USH2A: variants seen among roughly 807,000 people sequenced by gnomAD.
USH2A encodes the protein usherin.
Under a neutral mutation model 538.9 loss-of-function variants are expected in USH2A, and 443 were observed. The ratio of observed to expected loss-of-function variants is 0.82; its 90% confidence interval spans 0.76 to 0.89. The LOEUF (loss-of-function observed/expected upper bound fraction) is 0.89. USH2A is among the 40% of genes least tolerant of loss of function. The probability of loss-of-function intolerance (pLI) is 0.00; values close to 1 mark genes in which losing one functional copy is unlikely to be tolerated. For missense variants in USH2A, 6,633 were observed against 6,324.8 expected, an observed-to-expected ratio of 1.05 and a Z score of -1.65; for synonymous variants, 2,413 against 2,273.5, an observed-to-expected ratio of 1.06 and a Z score of -1.75.
rs376865242 is a variant in USH2A, at chr1:215,743,410, G to C, written c.11390-75C>G. 8.1e-5 allele frequency: 37 copies of C among 457,872 alleles called. 1 individual carries two copies. The highest frequency in any genetic ancestry group is 1.5e-4 in the Admixed American group (3 of 20,310). The allele number at this position is 457,872 out of a possible 1,614,324, so 28.4% of individuals were successfully genotyped here. A position where few individuals can be genotyped will look rare whatever the true frequency, so the allele number is the denominator to read the frequency against. On this transcript the variant is annotated intron_variant, in intron 58 of 71. Transcript: ENST00000307340. ...TATGTGTGTGTGTGTGTGTGTGTGT[G>C]TGTGTGTATATATATATAGACACAC...
Position 216,097,181 on chromosome 1 carries a change from C to G in USH2A, c.4660G>C (p.Glu1554Gln), listed in dbSNP as rs762915136. The change falls in exon 22 of 72, where the codon GAA (glutamate) becomes CAA (glutamine). Residue 1554 changes from glutamate (E) to glutamine (Q), a missense_variant. Coordinates refer to ENST00000307340, the MANE Select transcript of USH2A (RefSeq NM_206933.4). ...GATGCTGCAAAGACAATCAAACCTT[C>G]AGGCACTTTTGTTCGAAAGCTGGCC... ...IKASFRTKVPEGLIVFAASPG... is the reference protein window; with the variant it reads ...IKASFRTKVPQGLIVFAASPG... The G allele has an allele frequency of 1.2e-6, 2 of 1,614,162 alleles. No individual in the cohort carries two copies. The highest frequency in any genetic ancestry group is 8.5e-7 in the Non-Finnish European group (1 of 1,180,008).
chr1:215,670,513 G>A (rs1422996218), intron 64 of USH2A, among the ~76,000 whole-genome samples: 3 of 151,998 alleles, frequency 2.0e-5, no homozygotes, highest in Non-Finnish European at 4.4e-5. Context: ...TTAACTCATC[G>A]CCATGGGCAG....
intron 3 of USH2A, among the ~76,000 whole-genome samples, chr1:216,385,502 T>C (rs2038989347): frequency 6.6e-6 from 1 of 152,096 alleles, no homozygotes; most frequent in South Asian, 2.1e-4. Context: ...AGATATAGAA[T>C]GACAACAAAG....
chr1:215,793,022 T>A (rs1662025551), intron 50 of USH2A, among the ~76,000 whole-genome samples: 1 of 152,190 alleles, frequency 6.6e-6, no homozygotes, highest in Non-Finnish European at 1.5e-5. Context: ...CTAAACTGTA[T>A]ATATATCCAA....
intron 35 of USH2A, among the ~76,000 whole-genome samples, chr1:215,979,015 A>T (rs1365849665): frequency 1.3e-5 from 2 of 152,176 alleles, no homozygotes; most frequent in African/African-American, 2.4e-5. Context: ...CATACCTGAG[A>T]CTGGGTAATT....
At chr1:216,322,439 C>T (rs1465605864) in intron 8 of USH2A, among the ~76,000 whole-genome samples, 1 of 150,576 alleles carries the variant, frequency 6.6e-6, no homozygotes, top group Non-Finnish European at 1.5e-5. Flanking sequence ...CCCATCTCTA[C>T]AAAAAGTGAA....
chr1:215,769,565 C>G lies in USH2A; in HGVS notation c.10940-2777G>C, dbSNP rs1661222100. ...AGGCATGGTACAGCAGTAGAGCATC[C>G]AGCACCTTAAGGATTTTTGATAGAG... On this transcript the variant is annotated intron_variant, in intron 55 of 71. Transcript: ENST00000307340. Among the ~76,000 whole-genome samples, 5 of 152,114 alleles carry G rather than the reference C, an allele frequency of 3.3e-5. No homozygotes were observed. In the South Asian group the frequency reaches 1.0e-3, roughly 32 times the overall value.
At chr1:216,108,512 A>C (rs2102583532) in intron 21 of USH2A, among the ~76,000 whole-genome samples, 1 of 152,026 alleles carries the variant, frequency 6.6e-6, no homozygotes, top group South Asian at 2.1e-4. Flanking sequence ...TTCATCATCA[A>C]ATTTGAATAT....
chr1:216,415,210 C>G (rs1365721077), intron 3 of USH2A, among the ~76,000 whole-genome samples: 2 of 152,044 alleles, frequency 1.3e-5, no homozygotes, highest in African/African-American at 4.8e-5. Context: ...ACTCCACACT[C>G]CACTTACTTG....
chr1:215,813,618 T>C, intron 49 of USH2A, 118 bp downstream of exon 49: 1 of 1,203,096 alleles, frequency 8.3e-7, no homozygotes, highest in Non-Finnish European at 1.2e-6. Context: ...ATTGGCTATG[T>C]GTTTATGGTT....
intron 3 of USH2A, among the ~76,000 whole-genome samples, chr1:216,414,594 A>G (rs1045607543): frequency 3.9e-5 from 6 of 152,120 alleles, no homozygotes; most frequent in African/African-American, 1.2e-4. Context: ...GAGATAAAGC[A>G]TAAGTTGAGA....
intron 4 of USH2A, among the ~76,000 whole-genome samples, chr1:216,347,994 A>G (rs2038212232): frequency 6.6e-6 from 1 of 152,118 alleles, no homozygotes; most frequent in Admixed American, 6.6e-5. Flanking sequence ...TAGCTGAAGT[A>G]ATCTTTTAAA....
intron 9 of USH2A, 101 bp downstream of exon 9, chr1:216,321,782 A>G (rs1358164023): frequency 8.9e-7 from 1 of 1,119,872 alleles, no homozygotes; most frequent in East Asian, 2.4e-5. Context: ...TCAGTTTTTA[A>G]ATTTATTTTC....
At chr1:215,905,973 C>T (rs1279461683) in intron 38 of USH2A, among the ~76,000 whole-genome samples, 6 of 152,016 alleles carry the variant, frequency 3.9e-5, no homozygotes, top group Non-Finnish European at 5.9e-5. Flanking sequence ...TCCGAAATAG[C>T]TACATATGAG....
At chr1:216,262,996 A>G (rs79350381) in intron 11 of USH2A, among the ~76,000 whole-genome samples, 3,377 of 152,290 alleles carry the variant, frequency 0.022, 59 homozygotes, top group Middle Eastern at 0.12. Context: ...ACTATTATGA[A>G]TAACTATATG....
At chr1:215,923,490 A>T (rs1666153601) in intron 38 of USH2A, among the ~76,000 whole-genome samples, 1 of 152,052 alleles carries the variant, frequency 6.6e-6, no homozygotes, top group African/African-American at 2.4e-5. Flanking sequence ...TGTTTACTGT[A>T]CTGGTTTACT....
At chr1:216,258,325 C>A (rs1364423118) in intron 11 of USH2A, among the ~76,000 whole-genome samples, 1 of 152,074 alleles carries the variant, frequency 6.6e-6, no homozygotes, top group African/African-American at 2.4e-5. Context: ...TCCCACGAAT[C>A]ATAAATTTTC....
At chr1:216,346,680 C>T (rs1311825400) in intron 4 of USH2A, among the ~76,000 whole-genome samples, 1 of 151,468 alleles carries the variant, frequency 6.6e-6, no homozygotes, top group East Asian at 1.9e-4. Flanking sequence ...GATCCAGAAT[C>T]TGCTATTAAA....
chr1:215,890,871 G>A (rs1665191275), intron 40 of USH2A, among the ~76,000 whole-genome samples: 1 of 152,116 alleles, frequency 6.6e-6, no homozygotes, highest in South Asian at 2.1e-4. Flanking sequence ...AAAATCAATG[G>A]TGGAGATTCA....
Sources: allele counts gnomAD v4.1 joint callset (sites outside exome capture counted in the v4.1 genomes callset), GRCh38; gene constraint gnomAD v4.1.1; transcripts MANE v1.5; gene names NCBI Gene and HGNC (gene_info 2026-07-23, HGNC 2026-07-21).